The following XIRP1 variants were observed in gnomAD, a reference collection of about 807,000 sequenced individuals.
The protein encoded by XIRP1 is xin actin-binding repeat-containing protein 1.
For missense variants in XIRP1, 2,378 were observed against 2,345.4 expected (o/e 1.01, Z -0.29); for synonymous variants, 984 against 947.0 (o/e 1.04, Z -0.72).
chr3:39,185,869 G>A lies in XIRP1; in HGVS notation c.3577C>T (p.Arg1193Trp), dbSNP rs371572701. ...TGTGTGCAGCCCCCAGGCTCCTCCC[G>A]CCCTGGCCCAGTACTCTGACCTGGG... ...GGPGQSTGPG[R>W]EEPGGCTQMA... Residue 1193 changes from arginine to tryptophan, a missense_variant, in exon 2 of 2, where the codon CGG becomes TGG. Arg to Trp is a moderately radical substitution (Grantham distance 101, BLOSUM62 -3). Coordinates refer to ENST00000340369, the MANE Select transcript of XIRP1 (RefSeq NM_194293.4). 1.1e-5 allele frequency: 18 copies of A among 1,613,054 alleles called. No homozygotes were observed. Among genetic ancestry groups the A allele is most frequent in the East Asian group, 2.2e-5 (1 of 44,876 alleles).
Position 39,186,794 on chromosome 3 carries a change from G to A in XIRP1, c.2652C>T (p.Cys884=), listed in dbSNP as rs769967222. The A allele has an allele frequency of 5.9e-5, 96 of 1,613,808 alleles. No individual in the cohort carries two copies. The highest frequency in any genetic ancestry group is 7.1e-5 in the Non-Finnish European group (84 of 1,179,960). Residue 884 remains cysteine, a synonymous_variant, in exon 2 of 2, where the codon TGC becomes TGT. Coordinates refer to ENST00000340369, the MANE Select transcript of XIRP1 (RefSeq NM_194293.4). The stretch of plus-strand genomic sequence containing the variant: ...TCCTTGCCACGGAGGTCCCAAGACC[G>A]CAAGCCAGCAGCTGCTGGAGCTCAG... ...MDPELQQLLA[C]GLGTSVARTG...
chr3:39,184,543 C>T lies in XIRP1; in HGVS notation c.4903G>A (p.Gly1635Ser). Residue 1635 changes from glycine (G) to serine (S), a missense_variant, in exon 2 of 2, where the codon GGT becomes AGT. Coordinates refer to ENST00000340369, the MANE Select transcript of XIRP1 (RefSeq NM_194293.4). The stretch of plus-strand genomic sequence containing the variant: ...GAAGGGGCAGTTGAGGCTGTGTGAC[C>T]TCTGGCCTCTGTGTGATTTCTGATC... The part of the protein sequence containing the change: ...VKIRNHTEAR[G>S]HTASTAPSTR... 6.2e-7 allele frequency: 1 copy of T among 1,613,802 alleles called. No homozygotes were observed. Among genetic ancestry groups the T allele is most frequent in the Non-Finnish European group, 8.5e-7 (1 of 1,180,034 alleles).
intron 1 of XIRP1, among the ~76,000 whole-genome samples, chr3:39,190,807 G>C (rs1456649441): frequency 1.3e-5 from 2 of 152,184 alleles, no homozygotes; most frequent in African/African-American, 4.8e-5. Context: ...CCACTGCTCT[G>C]CACCACACAG....
At position 39,189,249 on chromosome 3, in the gene XIRP1, CGGAG is replaced by C; in HGVS notation, c.193_196del (p.Leu65AlafsTer103). On this transcript the variant is annotated frameshift_variant, in exon 2 of 2. Coordinates refer to ENST00000340369, the MANE Select transcript of XIRP1 (RefSeq NM_194293.4). LOFTEE classifies it low-confidence loss of function (END_TRUNC). ...GGCCACAGCCTCAGCCAGATTCTTG[CGGAG>C]CTCAGGGTGGATGTGCCTGTAGAGG... 1 of 1,614,050 alleles carries C rather than the reference CGGAG, an allele frequency of 6.2e-7. No individual in the cohort carries two copies. The highest frequency in any genetic ancestry group is 1.1e-5 in the South Asian group (1 of 91,070).
Position 39,188,646 on chromosome 3 carries a change from C to T in XIRP1, c.800G>A (p.Arg267Lys), listed in dbSNP as rs532511140. 35 of 1,613,184 alleles carry T rather than the reference C, an allele frequency of 2.2e-5. No homozygotes were observed. Among genetic ancestry groups the T allele is most frequent in the Non-Finnish European group, 2.7e-5 (32 of 1,180,020 alleles). ...CREEIQSNAV[R>K]SARWLFETRP... is the part of the protein sequence containing the mutation. ...GGTCTCAAAGAGCCAGCGGGCAGAC[C>T]TCACCGCGTTGCTTTGGATCTCCTC... Residue 267 changes from arginine (R) to lysine (K), a missense_variant, in exon 2 of 2, where the codon AGG (arginine) becomes AAG (lysine). Coordinates refer to ENST00000340369, the MANE Select transcript of XIRP1 (RefSeq NM_194293.4).
At position 39,184,183 on chromosome 3, in the gene XIRP1, C is replaced by G; in HGVS notation, c.5263G>C (p.Gly1755Arg). Residue 1755 changes from glycine to arginine, a missense_variant, in exon 2 of 2, where the codon GGG becomes CGG. Coordinates refer to ENST00000340369, the MANE Select transcript of XIRP1 (RefSeq NM_194293.4). ...WQKSVLELQT[G>R]PGSSQHYGAM... Reference sequence around the variant, plus strand: ...CCATAGTGTTGTGAGCTCCCTGGCCCCGTCTGTAGCTCCAGAACACTCTTT... The same window carrying G: ...CCATAGTGTTGTGAGCTCCCTGGCCGCGTCTGTAGCTCCAGAACACTCTTT... 1 of 1,614,168 alleles carries G rather than the reference C, an allele frequency of 6.2e-7. No homozygotes were observed. The highest frequency in any genetic ancestry group is 8.5e-7 in the Non-Finnish European group (1 of 1,180,018).
In XIRP1 at chr3:39,187,588, T is replaced by G; in HGVS notation, c.1858A>C (p.Lys620Gln). 6.2e-7 allele frequency: 1 copy of G among 1,614,134 alleles called. No individual in the cohort carries two copies. Among genetic ancestry groups the G allele is most frequent in the South Asian group, 1.1e-5 (1 of 91,090 alleles). Reference sequence around the variant, plus strand: ...CAGGTGCAGGACTGTGCCTCAGCCTTGGCTGTGGGATCTGTGACCTCTGAC... The same window carrying G: ...CAGGTGCAGGACTGTGCCTCAGCCTGGGCTGTGGGATCTGTGACCTCTGAC... ...QGSEVTDPTA[K>Q]AEAQSCTWMF... Residue 620 changes from lysine (K) to glutamine (Q), a missense_variant, in exon 2 of 2, where the codon AAG becomes CAG. By Grantham distance (53) the Lys-to-Gln change is moderately conservative. Transcript: ENST00000340369.
chr3:39,186,961 T>C lies in XIRP1; in HGVS notation c.2485A>G (p.Arg829Gly). 1 of 1,609,390 alleles carries C rather than the reference T, an allele frequency of 6.2e-7. No individual in the cohort carries two copies. Among genetic ancestry groups the C allele is most frequent in the Non-Finnish European group, 8.5e-7 (1 of 1,176,060 alleles). ...CGGCGCAGGACTTGGCAGATGATCC[T>C]GGGAAGTTCACCTGACACCAGCTCC... ...KEELVSGELPRIICQVLRRPD... is the reference protein window; with the variant it reads ...KEELVSGELPGIICQVLRRPD... The change falls in exon 2 of 2, where the codon AGG (arginine) becomes GGG (glycine). Residue 829 changes from arginine to glycine, a missense_variant. Coordinates refer to ENST00000340369, the MANE Select transcript of XIRP1 (RefSeq NM_194293.4).
Position 39,184,674 on chromosome 3 carries a change from C to G in XIRP1, c.4772G>C (p.Ser1591Thr), listed in dbSNP as rs1412266419. Residue 1591 changes from serine to threonine, a missense_variant, in exon 2 of 2, where the codon AGC becomes ACC. By Grantham distance (58) the Ser-to-Thr change is moderately conservative. Coordinates refer to ENST00000340369, the MANE Select transcript of XIRP1 (RefSeq NM_194293.4). ...TGAGCCACTGGGCCTGGCGCTACTG[C>G]TGACTGTGACACTGATCTTGTGGGC... ...HSAHKISVTV[S>T]SSARPSGSGQ... 1 of 1,614,252 alleles carries G rather than the reference C, an allele frequency of 6.2e-7. No individual in the cohort carries two copies. The highest frequency in any genetic ancestry group is 8.5e-7 in the Non-Finnish European group (1 of 1,180,052).
rs886352112 is a variant in XIRP1, at chr3:39,192,533, A to C, written c.-168T>G. 1.2e-4 allele frequency: 18 copies of C among 152,258 alleles called. No individual in the cohort carries two copies. The highest frequency in any genetic ancestry group is 4.1e-4 in the African/African-American group (17 of 41,440). The allele number at this position is 152,258 out of a possible 1,614,324, so 9.4% of individuals were successfully genotyped here. A position where few individuals can be genotyped will look rare whatever the true frequency, so the allele number is the denominator to read the frequency against. ...TCGTTCCTCTGGAGGTTCTTGTTCA[A>C]ATTGGTTCTGTTCTGCTGGCTCCAA... On this transcript the variant is annotated 5_prime_UTR_variant, in exon 1 of 2. The change creates a new upstream start codon in the 5' untranslated region. Transcript: ENST00000340369.
At position 39,184,419 on chromosome 3, in the gene XIRP1, T is replaced by A. The variant is rs751021722; in HGVS notation, c.5027A>T (p.Gln1676Leu). 3.1e-6 allele frequency: 5 copies of A among 1,614,116 alleles called. No individual in the cohort carries two copies. The South Asian group carries it at 5.5e-5, about 18-fold the overall frequency. ...CTCTAGAGGCTTCCTTGTGGCCGAC[T>A]GGATGGAGATAAATGTTGGGGAGGA... ...SPSSPTFISI[Q>L]SATRKPLETP... Residue 1676 changes from glutamine to leucine, a missense_variant, in exon 2 of 2, where the codon CAG becomes CTG. Coordinates refer to ENST00000340369, the MANE Select transcript of XIRP1 (RefSeq NM_194293.4).
At position 39,186,180 on chromosome 3, in the gene XIRP1, AT is replaced by A; in HGVS notation, c.3265del (p.Ile1089SerfsTer15). 6.2e-7 allele frequency: 1 copy of A among 1,613,792 alleles called. No homozygotes were observed. Among genetic ancestry groups the A allele is most frequent in the Non-Finnish European group, 8.5e-7 (1 of 1,179,872 alleles). On this transcript the variant is annotated frameshift_variant, in exon 2 of 2. Transcript: ENST00000340369. LOFTEE classifies it low-confidence loss of function (END_TRUNC). Reference sequence around the variant, plus strand: ...CCCAGCTTTCCGAAGACCGTCCTGGATGGGGTTGGAAGTGGCTGTTGGGGTG... The same window carrying A: ...CCCAGCTTTCCGAAGACCGTCCTGGAGGGGTTGGAAGTGGCTGTTGGGGTG... ...GPTPTATSNP[I>X]QDGLRKAGAT...
Position 39,189,130 on chromosome 3 carries a change from T to C in XIRP1, c.316A>G (p.Ile106Val), listed in dbSNP as rs1462495257. ...WIFENWRLDA[I>V]GEHERPAAKE... The stretch of plus-strand genomic sequence containing the variant: ...GCAGCTGGCCTCTCGTGTTCTCCAA[T>C]GGCATCCAGTCTCCAGTTCTCAAAG... Residue 106 changes from isoleucine to valine, a missense_variant, in exon 2 of 2, where the codon ATT becomes GTT. Ile to Val is a conservative substitution (Grantham distance 29). Coordinates refer to ENST00000340369, the MANE Select transcript of XIRP1 (RefSeq NM_194293.4). 1 of 1,614,130 alleles carries C rather than the reference T, an allele frequency of 6.2e-7. No individual in the cohort carries two copies. The highest frequency in any genetic ancestry group is 8.5e-7 in the Non-Finnish European group (1 of 1,180,022).
Position 39,187,462 on chromosome 3 carries a change from C to T in XIRP1, c.1984G>A (p.Val662Ile), listed in dbSNP as rs141224373. 1.6e-4 allele frequency: 259 copies of T among 1,614,074 alleles called. No homozygotes were observed. In the African/African-American group the frequency reaches 3.0e-3, roughly 19 times the overall value. ...GCCTGAAGAGGCTCGGTCTCAAAGACGTGTCTGTCTGTCTGTCTTTCCCCA... is the reference window on the plus strand; with the variant it reads ...GCCTGAAGAGGCTCGGTCTCAAAGATGTGTCTGTCTGTCTGTCTTTCCCCA... ...PAGERQTDRH[V>I]FETEPLQASG... is the part of the protein sequence containing the mutation. The change falls in exon 2 of 2, where the codon GTC becomes ATC. Residue 662 changes from valine to isoleucine, a missense_variant. Val to Ile is a conservative substitution (Grantham distance 29). Coordinates refer to ENST00000340369, the MANE Select transcript of XIRP1 (RefSeq NM_194293.4).
In XIRP1 at chr3:39,187,315, G is replaced by T. The variant is rs1559750433; in HGVS notation, c.2131C>A (p.Gln711Lys). The T allele has an allele frequency of 6.3e-7, 1 of 1,595,724 alleles. No individual in the cohort carries two copies. Reference sequence around the variant, plus strand: ...GACCCAGCGATTACCCGGGGCTCCTGTTCTTCCTTCTTGCCTGCCTCCAGG... The same window carrying T: ...GACCCAGCGATTACCCGGGGCTCCTTTTCTTCCTTCTTGCCTGCCTCCAGG... Reference protein sequence around the residue: ...QALEAGKKEEQEPRVIAGSIP... With the variant: ...QALEAGKKEEKEPRVIAGSIP... The change falls in exon 2 of 2, where the codon CAG becomes AAG. Residue 711 changes from glutamine to lysine, a missense_variant. Physicochemically the swap from Gln to Lys is moderately conservative, Grantham distance 53. Transcript: ENST00000340369.
At position 39,187,929 on chromosome 3, in the gene XIRP1, C is replaced by G. The variant is rs768175722; in HGVS notation, c.1517G>C (p.Gly506Ala). The G allele has an allele frequency of 6.2e-7, 1 of 1,614,206 alleles. No homozygotes were observed. Among genetic ancestry groups the G allele is most frequent in the South Asian group, 1.1e-5 (1 of 91,086 alleles). ...CCACCTGTAGCCCTGCACATCACCT[C>G]CGACTATCTGCTCTCTGCTAACAGA... Reference protein sequence around the residue: ...LTSVSREQIVGGDVQGYRWMF... With the variant: ...LTSVSREQIVAGDVQGYRWMF... Residue 506 changes from glycine (G) to alanine (A), a missense_variant, in exon 2 of 2, where the codon GGA becomes GCA. Physicochemically the swap from Gly to Ala is moderately conservative, Grantham distance 60 (BLOSUM62 0). Transcript: ENST00000340369.
chr3:39,187,862 G>A lies in XIRP1; in HGVS notation c.1584C>T (p.Pro528=), dbSNP rs1230734193. ...TQPLDQLGRS[P]STIDVVRGIT... ...TGCCCCGCACCACGTCGATGGTACT[G>A]GGGCTTCGGCCGAGCTGGTCTAGGG... Residue 528 remains proline (P), a synonymous_variant, in exon 2 of 2, where the codon CCC becomes CCT. Transcript: ENST00000340369. The A allele has an allele frequency of 6.2e-7, 1 of 1,614,154 alleles. No homozygotes were observed.
In XIRP1 at chr3:39,185,618, A is replaced by C. The variant is rs1336154636; in HGVS notation, c.3828T>G (p.Ala1276=). The C allele has an allele frequency of 6.2e-7, 1 of 1,612,156 alleles. No individual in the cohort carries two copies. Among genetic ancestry groups the C allele is most frequent in the Non-Finnish European group, 8.5e-7 (1 of 1,179,104 alleles). Residue 1276 remains alanine, a synonymous_variant, in exon 2 of 2, where the codon GCT becomes GCG. Transcript: ENST00000340369. Reference sequence around the variant, plus strand: ...CAGAGGCTTGCTGGATGGAGTCCTCAGCACGGTGGGCTCCAGCTGGAAAGT... The same window carrying C: ...CAGAGGCTTGCTGGATGGAGTCCTCCGCACGGTGGGCTCCAGCTGGAAAGT... ...GPDFPAGAHR[A]EDSIQQASEP...
Position 39,183,829 on chromosome 3 carries a change from A to G in XIRP1, c.*85T>C. On this transcript the variant is annotated 3_prime_UTR_variant, in exon 2 of 2. Coordinates refer to ENST00000340369, the MANE Select transcript of XIRP1 (RefSeq NM_194293.4). Reference sequence around the variant, plus strand: ...GCCATTTCCTCTTGGTCCTTGCTCCAGTGTACAGGAGGCAGGTACCCACTT... The same window carrying G: ...GCCATTTCCTCTTGGTCCTTGCTCCGGTGTACAGGAGGCAGGTACCCACTT... 1.3e-6 allele frequency: 2 copies of G among 1,482,288 alleles called. No individual in the cohort carries two copies. Among genetic ancestry groups the G allele is most frequent in the Non-Finnish European group, 1.8e-6 (2 of 1,117,746 alleles). The allele number at this position is 1,482,288 out of a possible 1,614,324, so 91.8% of individuals were successfully genotyped here. A position where few individuals can be genotyped will look rare whatever the true frequency, so the allele number is the denominator to read the frequency against.
Sources: gnomAD v4.1 joint callset for allele counts (sites outside exome capture counted in the v4.1 genomes callset) on GRCh38, gnomAD v4.1.1 for gene constraint, MANE v1.5 for transcripts, NCBI Gene and HGNC (gene_info 2026-07-23, HGNC 2026-07-21) for gene names.